Variants in MVB12B observed in about 807,000 individuals in gnomAD.
The protein encoded by MVB12B is multivesicular body subunit 12B.
MVB12B carries 16 observed loss-of-function variants against 41.6 expected under a neutral mutation model. The observed-to-expected ratio is 0.38, with a 90% CI of 0.26 to 0.58. The LOEUF is 0.58. MVB12B is among the 20% of genes least tolerant of loss of function. The probability of loss-of-function intolerance (pLI) is 0.62; values close to 1 mark genes in which losing one functional copy is unlikely to be tolerated. For synonymous variants in MVB12B, 133 were observed against 139.7 expected (o/e 0.95, Z 0.34); for missense variants, 274 against 380.2 (o/e 0.72, Z 2.32).
chr9:126,453,391 G>T lies in MVB12B; in HGVS notation c.758-27978G>T, dbSNP rs143296296. Reference sequence around the variant, plus strand: ...CAGACCAGGGCCTGGCTGGGCAGAAGGGACTCCCAGAGCTCAGGAGTGTTG... The same window carrying T: ...CAGACCAGGGCCTGGCTGGGCAGAATGGACTCCCAGAGCTCAGGAGTGTTG... On this transcript the variant is annotated intron_variant, in intron 7 of 9. Coordinates refer to ENST00000361171, the MANE Select transcript of MVB12B (RefSeq NM_033446.3). Among the ~76,000 whole-genome samples the T allele has an allele frequency of 3.9e-5, 6 of 152,304 alleles. No homozygotes were observed. In the East Asian group the frequency reaches 1.2e-3, roughly 29 times the overall value.
At chr9:126,334,200 G>A (rs761781634) in intron 1 of MVB12B, among the ~76,000 whole-genome samples, 33 of 152,190 alleles carry the variant, frequency 2.2e-4, no homozygotes, top group Non-Finnish European at 4.3e-4. Flanking sequence ...TCACGCGCCA[G>A]GCCCTCTTAG....
chr9:126,494,730 A>C (rs550447970), intron 9 of MVB12B, among the ~76,000 whole-genome samples: 1 of 152,202 alleles, frequency 6.6e-6, no homozygotes, highest in African/African-American at 2.4e-5. Context: ...TTTTCCACCC[A>C]GTAACCAGTG....
intron 1 of MVB12B, among the ~76,000 whole-genome samples, chr9:126,329,053 G>A (rs938936332): frequency 3.9e-5 from 6 of 152,130 alleles, no homozygotes; most frequent in African/African-American, 1.4e-4. Context: ...AAATTCCTGG[G>A]ATTACAGGCA....
intron 1 of MVB12B, among the ~76,000 whole-genome samples, chr9:126,334,123 T>C (rs1288020635): frequency 1.3e-5 from 2 of 152,318 alleles, no homozygotes; most frequent in East Asian, 1.9e-4. Flanking sequence ...ATGTGGACTT[T>C]CCGTCTCATT....
chr9:126,494,376 A>G (rs1235387465), intron 9 of MVB12B, among the ~76,000 whole-genome samples: 1 of 152,200 alleles, frequency 6.6e-6, no homozygotes, highest in Admixed American at 6.5e-5. Flanking sequence ...TGGTGGCCCA[A>G]GGCATTCATC....
intron 6 of MVB12B, chr9:126,396,962 G>GAC (rs1831134112): frequency 1.0e-6 from 1 of 985,488 alleles, no homozygotes; most frequent in Non-Finnish European, 1.2e-6. Context: ...CTCCGCCCTG[G>GAC]AGGGCACTGC....
chr9:126,390,740 C>A (rs1177244478), intron 4 of MVB12B, among the ~76,000 whole-genome samples: 1 of 152,148 alleles, frequency 6.6e-6, no homozygotes, highest in South Asian at 2.1e-4. Context: ...GAGGGTGGAT[C>A]ACGAGGTCAG....
intron 6 of MVB12B, chr9:126,396,452 C>T: frequency 2.0e-6 from 2 of 985,490 alleles, no homozygotes; most frequent in Non-Finnish European, 2.4e-6. Flanking sequence ...TAGGGATTGA[C>T]ATAACGTAAA....
chr9:126,501,407 G>C (rs1348702513), intron 9 of MVB12B, among the ~76,000 whole-genome samples: 1 of 152,204 alleles, frequency 6.6e-6, no homozygotes, highest in Non-Finnish European at 1.5e-5. Flanking sequence ...CCTTACCTCT[G>C]CACCCTGCCA....
chr9:126,349,957 A>T (rs1281815812), intron 2 of MVB12B, among the ~76,000 whole-genome samples: 1 of 152,218 alleles, frequency 6.6e-6, no homozygotes, highest in Admixed American at 6.5e-5. Context: ...AGCTGTAATG[A>T]ATATATGAGG....
chr9:126,446,798 TTCTC>T (rs1171454668), intron 7 of MVB12B, among the ~76,000 whole-genome samples: 1 of 151,946 alleles, frequency 6.6e-6, no homozygotes, highest in Non-Finnish European at 1.5e-5. Flanking sequence ...GATGTTATTT[TTCTC>T]TCTCTTTTTC....
intron 6 of MVB12B, among the ~76,000 whole-genome samples, chr9:126,402,409 G>T: frequency 6.6e-6 from 1 of 151,774 alleles, no homozygotes; most frequent in East Asian, 1.9e-4. Flanking sequence ...AGGCTGAGAC[G>T]GGAGGATCAC....
intron 6 of MVB12B, among the ~76,000 whole-genome samples, chr9:126,410,863 C>G (rs1831626207): frequency 6.6e-6 from 1 of 151,530 alleles, no homozygotes; most frequent in African/African-American, 2.4e-5. Flanking sequence ...AGACTCTCAA[C>G]AGATGTTTGT....
intron 6 of MVB12B, among the ~76,000 whole-genome samples, chr9:126,408,767 T>C (rs1203644190): frequency 6.6e-6 from 1 of 152,050 alleles, no homozygotes; most frequent in African/African-American, 2.4e-5. Context: ...TCACGTAGAA[T>C]CACATAGTAT....
At chr9:126,496,835 TTG>T (rs1466200397) in intron 9 of MVB12B, among the ~76,000 whole-genome samples, 1 of 151,812 alleles carries the variant, frequency 6.6e-6, no homozygotes, top group Non-Finnish European at 1.5e-5. Context: ...GGAAGGTGTT[TTG>T]TGAGATAGGG....
Position 126,367,224 on chromosome 9 carries a change from C to T in MVB12B, c.205-13840C>T, listed in dbSNP as rs1024773524. On this transcript the variant is annotated intron_variant, in intron 2 of 9. Transcript: ENST00000361171. The surrounding 1 kb of genome is among the most constrained non-coding windows in gnomAD (Gnocchi z 4.3). ...ATAAGCGCCACTCTGAGAATTTCTC[C>T]TTCCTGCCCGGGGCTCTCCAGCCAC... is the stretch of plus-strand genomic sequence containing the variant. Among the ~76,000 whole-genome samples the T allele has an allele frequency of 6.6e-5, 10 of 152,116 alleles. No individual in the cohort carries two copies. Among genetic ancestry groups the T allele is most frequent in the Non-Finnish European group, 1.3e-4 (9 of 68,018 alleles).
intron 7 of MVB12B, among the ~76,000 whole-genome samples, chr9:126,476,112 C>T (rs570547387): frequency 2.0e-5 from 2 of 102,540 alleles, no homozygotes; most frequent in African/African-American, 5.7e-5. Context: ...CCCCTTGCTG[C>T]TGCATCTTGC....
chr9:126,472,018 T>C (rs1168618239), intron 7 of MVB12B, among the ~76,000 whole-genome samples: 1 of 152,064 alleles, frequency 6.6e-6, no homozygotes, highest in Non-Finnish European at 1.5e-5. Context: ...ACTTTATGAC[T>C]CTCTTTATCA....
At chr9:126,380,923 T>A in intron 2 of MVB12B, 141 bp from the exon 3 acceptor site, 1 of 591,382 alleles carries the variant, frequency 1.7e-6, no homozygotes, top group East Asian at 2.8e-5. Context: ...CTCATCCCAG[T>A]GCCTAGTGAA....
Sources: allele counts gnomAD v4.1 joint callset (sites outside exome capture counted in the v4.1 genomes callset), GRCh38; gene constraint gnomAD v4.1.1; non-coding constraint Gnocchi (gnomAD v3.1); transcripts MANE v1.5; gene names NCBI Gene and HGNC (gene_info 2026-07-23, HGNC 2026-07-21).